Variants in NAALADL2 observed in about 807,000 individuals in gnomAD.
The protein encoded by NAALADL2 is inactive N-acetylated-alpha-linked acidic dipeptidase-like protein 2.
In NAALADL2, 76 loss-of-function variants were observed where a neutral mutation model predicts 87.2. The observed-to-expected ratio is 0.87, with a 90% confidence interval of 0.72 to 1.05. The LOEUF is 1.05. Among genes scored for constraint, NAALADL2 ranks in the 50% least tolerant of loss-of-function variants. The pLI is 0.00. For missense variants in NAALADL2, 1,089 were observed against 945.8 expected (o/e 1.15, Z -1.99); for synonymous variants, 354 against 331.0 (o/e 1.07, Z -0.75).
At chr3:175,059,013 T>G (rs564668927) in intron 1 of NAALADL2, among the ~76,000 whole-genome samples, 253 of 152,330 alleles carry the variant, frequency 1.7e-3, no homozygotes, top group African/African-American at 5.8e-3. Context: ...TCAGGGACAT[T>G]GCTTTATAAT....
chr3:175,232,237 G>GAAGAAGAGGAAGAGGAAGAAGAAAGAAGA lies in NAALADL2; in HGVS notation c.546-1687_546-1686insGGAAGAGGAAGAAGAAAGAAGAAAGAAGA, dbSNP rs1553824036. The stretch of plus-strand genomic sequence containing the variant: ...AAGAGAAGAAGAAGAAGAGGAAGAG[G>GAAGAAGAGGAAGAGGAAGAAGAAAGAAGA]AAGAAGAAAGAACAAGAAGAAGAAG... On this transcript the variant is annotated intron_variant, in intron 2 of 13. Transcript: ENST00000454872. Among the ~76,000 whole-genome samples, 454 of 149,454 alleles carry GAAGAAGAGGAAGAGGAAGAAGAAAGAAGA rather than the reference G, an allele frequency of 3.0e-3. 3 individuals are homozygous for GAAGAAGAGGAAGAGGAAGAAGAAAGAAGA. The highest frequency in any genetic ancestry group is 0.011 in the African/African-American group (427 of 40,512).
At chr3:174,559,601 T>G (rs1713329700) in intron 2 of NAALADL2, among the ~76,000 whole-genome samples, 1 of 152,174 alleles carries the variant, frequency 6.6e-6, no homozygotes, top group Admixed American at 6.5e-5. Flanking sequence ...AGAAATTTAT[T>G]TCTCACAGTT....
chr3:174,966,364 G>T (rs770753814), intron 1 of NAALADL2, among the ~76,000 whole-genome samples: 2 of 152,010 alleles, frequency 1.3e-5, no homozygotes, highest in African/African-American at 2.4e-5. Context: ...ATTTTGAAAT[G>T]GTTATTCTGG....
chr3:174,962,758 A>G (rs1409020812), intron 1 of NAALADL2, among the ~76,000 whole-genome samples: 1 of 152,034 alleles, frequency 6.6e-6, no homozygotes, highest in East Asian at 1.9e-4. Flanking sequence ...TGTTTGTTTC[A>G]TTGCTAAGTG....
intron 11 of NAALADL2, among the ~76,000 whole-genome samples, chr3:175,649,363 C>A (rs1730437000): frequency 6.6e-6 from 1 of 150,902 alleles, no homozygotes; most frequent in Admixed American, 6.6e-5. Context: ...CTTTCCTGGC[C>A]TTCTGATACT....
chr3:174,823,257 A>G lies in NAALADL2; in HGVS notation c.-9+85511A>G, dbSNP rs1721622795. On this transcript the variant is annotated intron_variant, in intron 3 of 3. Transcript: ENST00000434257. ...TTCCTCTTCTTTTTTTTTTCTTGTA[A>G]AGACAGAACAAATACAGCTCCTTCT... 2.0e-5 allele frequency among the ~76,000 whole-genome samples: 3 copies of G among 151,444 alleles called. No homozygotes were observed. The South Asian group carries it at 6.2e-4, about 31-fold the overall frequency.
chr3:175,464,284 T>C (rs6789345), intron 7 of NAALADL2, among the ~76,000 whole-genome samples: 28,572 of 152,002 alleles, frequency 0.19, 4,452 homozygotes, highest in African/African-American at 0.43. Context: ...AGGTTTTCAA[T>C]GTGCTTATGA....
intron 1 of NAALADL2, among the ~76,000 whole-genome samples, chr3:174,441,657 C>T (rs977660323): frequency 6.6e-6 from 1 of 152,070 alleles, no homozygotes; most frequent in African/African-American, 2.4e-5. Context: ...GTCTGGCTTA[C>T]TACCACATTT....
chr3:175,770,809 AG>A (rs1444925070), intron 13 of NAALADL2, among the ~76,000 whole-genome samples: 1 of 152,200 alleles, frequency 6.6e-6, no homozygotes, highest in Non-Finnish European at 1.5e-5. Context: ...TAGACACAAA[AG>A]TTTTAGAGGG....
At chr3:174,954,066 TG>T (rs1171403006) in intron 1 of NAALADL2, among the ~76,000 whole-genome samples, 1 of 152,086 alleles carries the variant, frequency 6.6e-6, no homozygotes. Flanking sequence ...ATGTTCTACC[TG>T]GGGATTTGAC....
chr3:175,668,872 T>C (rs1256464573), intron 11 of NAALADL2, among the ~76,000 whole-genome samples: 1 of 152,144 alleles, frequency 6.6e-6, no homozygotes. Context: ...GATGCAAATT[T>C]TGTGACTTAA....
At chr3:175,675,616 C>G (rs1480136145) in intron 11 of NAALADL2, 1 of 152,102 alleles carries the variant, frequency 6.6e-6, no homozygotes, top group East Asian at 1.9e-4. Flanking sequence ...AGTAATAATT[C>G]ATGACAAATT....
At chr3:175,028,625 A>T (rs1752469173) in intron 1 of NAALADL2, among the ~76,000 whole-genome samples, 1 of 152,072 alleles carries the variant, frequency 6.6e-6, no homozygotes, top group South Asian at 2.1e-4. Context: ...AAAAAATTTT[A>T]TACATTAAAA....
chr3:174,882,638 CAT>C (rs1348974465), intron 1 of NAALADL2, among the ~76,000 whole-genome samples: 11 of 81,290 alleles, frequency 1.4e-4, no homozygotes, highest in Admixed American at 6.8e-4. Flanking sequence ...TGCATATACA[CAT>C]ATGTGCATAT....
intron 1 of NAALADL2, among the ~76,000 whole-genome samples, chr3:175,045,911 C>G (rs1754609899): frequency 6.6e-6 from 1 of 152,050 alleles, no homozygotes; most frequent in Non-Finnish European, 1.5e-5. Context: ...CTTGGAAAGA[C>G]AGTCTGAAAC....
chr3:174,468,685 T>A (rs1320950635), intron 1 of NAALADL2, among the ~76,000 whole-genome samples: 1 of 151,196 alleles, frequency 6.6e-6, no homozygotes, highest in East Asian at 2.0e-4. Context: ...CTGGTCAGAA[T>A]TCATTTTCAT....
At chr3:175,787,420 C>T (rs569641459) in intron 13 of NAALADL2, among the ~76,000 whole-genome samples, 1 of 152,156 alleles carries the variant, frequency 6.6e-6, no homozygotes, top group East Asian at 1.9e-4. Context: ...TGTGGTGCGC[C>T]GTTTTTTAAG....
chr3:174,709,811 T>C (rs1382458410), intron 2 of NAALADL2, among the ~76,000 whole-genome samples: 1 of 152,138 alleles, frequency 6.6e-6, no homozygotes, highest in Non-Finnish European at 1.5e-5. Flanking sequence ...TATTCAGAAA[T>C]GTTAAGATGG....
At position 174,848,599 on chromosome 3, in the gene NAALADL2, A is replaced by G. The variant is rs947157592; in HGVS notation, c.-9+110853A>G. Among the ~76,000 whole-genome samples, 10 of 152,178 alleles carry G rather than the reference A, an allele frequency of 6.6e-5. 1 individual carries two copies. The highest frequency in any genetic ancestry group is 1.2e-4 in the Non-Finnish European group (8 of 68,038). On this transcript the variant is annotated intron_variant, in intron 3 of 3. Transcript: ENST00000434257. ...TGACTGTGAGCCTTTCAAGCTTCTG[A>G]AAATCTTCATGATAATTTTTATAAT...
Sources: gnomAD v4.1 joint callset for allele counts (sites outside exome capture counted in the v4.1 genomes callset) on GRCh38, gnomAD v4.1.1 for gene constraint, MANE v1.5 for transcripts, NCBI Gene and HGNC (gene_info 2026-07-23, HGNC 2026-07-21) for gene names.